GAA: variants seen among roughly 807,000 people sequenced by gnomAD.
GAA encodes alpha glucosidase.
A neutral mutation model predicts 103.9 loss-of-function variants in GAA; 88 were observed. The observed-to-expected ratio is 0.85, with a 90% CI of 0.71 to 1.01. The LOEUF (loss-of-function observed/expected upper bound fraction) is 1.01. GAA is among the 50% of genes least tolerant of loss of function. GAA has a pLI of 0.00. For synonymous variants in GAA, 572 were observed against 563.1 expected, an observed-to-expected ratio of 1.02 and a Z score of -0.22; for missense variants, 1,350 against 1,305.3, an observed-to-expected ratio of 1.03 and a Z score of -0.53.
In GAA at chr17:80,113,311, CTG is replaced by C. The variant is rs1555601780; in HGVS notation, c.2136_2137del (p.Phe713ProfsTer23). On this transcript the variant is annotated frameshift_variant, in exon 15 of 20. Coordinates refer to ENST00000302262, the MANE Select transcript of GAA (RefSeq NM_000152.5). LOFTEE classifies it high-confidence loss of function. ...RYALLPHLYT[L>X]FHQAHVAGET... ...CGCACTCCTCCCCCACCTCTACACA[CTG>C]TTCCACCAGGCCCACGTCGCGGGGG... 1 of 1,599,384 alleles carries C rather than the reference CTG, an allele frequency of 6.3e-7. No individual in the cohort carries two copies. The highest frequency in any genetic ancestry group is 1.7e-5 in the Admixed American group (1 of 58,368).
rs376939861 is a variant in GAA at position 80,104,569 on chromosome 17, T to A, written c.-18T>A. 94 of 1,605,910 alleles carry A rather than the reference T, an allele frequency of 5.9e-5. No homozygotes were observed. The highest frequency in any genetic ancestry group is 8.0e-5 in the African/African-American group (6 of 74,838). Reference sequence around the variant, plus strand: ...TTCTCCCGCAGGCCTGTAGGAGCTGTCCAGGCCATCTCCAACCATGGGAGT... The same window carrying A: ...TTCTCCCGCAGGCCTGTAGGAGCTGACCAGGCCATCTCCAACCATGGGAGT... On this transcript the variant is annotated 5_prime_UTR_variant, in exon 2 of 20. Transcript: ENST00000302262. The surrounding 1 kb of genome is among the most constrained non-coding windows in gnomAD (Gnocchi z 4.0).
rs1567835775 is a variant in GAA, at chr17:80,112,936, TG to T, written c.1952del (p.Gly651AlafsTer45). 6.2e-7 allele frequency: 1 copy of T among 1,610,770 alleles called. No individual in the cohort carries two copies. The highest frequency in any genetic ancestry group is 8.5e-7 in the Non-Finnish European group (1 of 1,179,044). ...GTCGGGGCCGACGTCTGCGGCTTCCTGGGCAACACCTCAGAGGAGCTGTGTG... is the reference window on the plus strand; with the variant it reads ...GTCGGGGCCGACGTCTGCGGCTTCCTGGCAACACCTCAGAGGAGCTGTGTG... ...PLVGADVCGFLGNTSEELCVR... is the reference protein window; with the variant it reads ...PLVGADVCGFXGNTSEELCVR... On this transcript the variant is annotated frameshift_variant, in exon 14 of 20. Coordinates refer to ENST00000302262, the MANE Select transcript of GAA (RefSeq NM_000152.5). LOFTEE classifies it high-confidence loss of function.
In GAA at chr17:80,112,899, G is replaced by T. The variant is rs757617999; in HGVS notation, c.1912G>T (p.Gly638Trp). 8.1e-6 allele frequency: 13 copies of T among 1,610,266 alleles called. No homozygotes were observed. Among genetic ancestry groups the T allele is most frequent in the African/African-American group, 1.3e-5 (1 of 74,902 alleles). Residue 638 changes from glycine (G) to tryptophan (W), a missense_variant, in exon 14 of 20, where the codon GGG becomes TGG. Gly to Trp is a radical substitution (Grantham distance 184). Transcript: ENST00000302262. ...VPEILQFNLLGVPLVGADVCG... is the reference protein window; with the variant it reads ...VPEILQFNLLWVPLVGADVCG... Reference sequence around the variant, plus strand: ...AGAAATCCTGCAGTTTAACCTGCTGGGGGTGCCTCTGGTCGGGGCCGACGT... The same window carrying T: ...AGAAATCCTGCAGTTTAACCTGCTGTGGGTGCCTCTGGTCGGGGCCGACGT...
chr17:80,116,417 G>A (rs879290084), intron 15 of GAA, among the ~76,000 whole-genome samples: 6 of 152,228 alleles, frequency 3.9e-5, no homozygotes, highest in Non-Finnish European at 7.3e-5. Flanking sequence ...GCTGAGCACT[G>A]GATGCCCCCT....
chr17:80,114,396 G>T (rs1168367666), intron 15 of GAA, among the ~76,000 whole-genome samples: 3 of 150,262 alleles, frequency 2.0e-5, no homozygotes, highest in African/African-American at 7.3e-5. Context: ...CTATTTTAAT[G>T]ACCTTGTTGT....
chr17:80,110,097 C>A (rs1395944903), intron 9 of GAA, 42 bp downstream of exon 9: 4 of 1,520,070 alleles, frequency 2.6e-6, no homozygotes, highest in Non-Finnish European at 3.6e-6. Context: ...AAAGCAGAGG[C>A]CTCCAGCCAG....
intron 8 of GAA, 149 bp downstream of exon 8, chr17:80,108,977 T>A (rs1291091785): frequency 1.9e-5 from 21 of 1,125,296 alleles, no homozygotes; most frequent in Non-Finnish European, 2.6e-5. Context: ...TCAAGAAGTT[T>A]GCAGGCTTGG....
In GAA at chr17:80,108,619, T is replaced by A. The variant is rs902114557; in HGVS notation, c.1194+12T>A. The A allele has an allele frequency of 1.9e-6, 3 of 1,612,096 alleles. No homozygotes were observed. The African/African-American group carries it at 4.0e-5, about 22-fold the overall frequency. On this transcript the variant is annotated intron_variant, in intron 7 of 19. Transcript: ENST00000302262. ...CCCACTTCCCCCTGGTGAGTTGGGGTGGTGGCAGGGGAGGCAAGGGGCTGG... is the reference window on the plus strand; with the variant it reads ...CCCACTTCCCCCTGGTGAGTTGGGGAGGTGGCAGGGGAGGCAAGGGGCTGG...
intron 5 of GAA, 50 bp from the exon 6 acceptor site, chr17:80,108,240 C>T (rs2039140591): frequency 1.2e-6 from 2 of 1,612,922 alleles, no homozygotes; most frequent in Admixed American, 1.7e-5. Flanking sequence ...GGTGCAGAGC[C>T]CTCCAAGTGA....
intron 3 of GAA, among the ~76,000 whole-genome samples, chr17:80,106,940 T>G (rs890911661): frequency 1.3e-5 from 2 of 152,136 alleles, no homozygotes; most frequent in African/African-American, 4.8e-5. Flanking sequence ...AACAGGCATC[T>G]TATCAGATCT....
Position 80,107,912 on chromosome 17 carries a change from C to T in GAA, c.955+16C>T. The stretch of plus-strand genomic sequence containing the variant: ...AATGCCATGGGTAAGCTGCCCGCCG[C>T]CCAGCGCCCGGGCCGGGGTCTCCTC... On this transcript the variant is annotated intron_variant, in intron 5 of 19. Coordinates refer to ENST00000302262, the MANE Select transcript of GAA (RefSeq NM_000152.5). 1 of 1,585,924 alleles carries T rather than the reference C, an allele frequency of 6.3e-7. No homozygotes were observed. Among genetic ancestry groups the T allele is most frequent in the Non-Finnish European group, 8.6e-7 (1 of 1,168,060 alleles).
chr17:80,112,370 T>TGG (rs71163924), intron 12 of GAA: 4 of 669,074 alleles, frequency 6.0e-6, no homozygotes, highest in Non-Finnish European at 1.0e-5. Flanking sequence ...CCTGTGAGGC[T>TGG]GGGGGGGGTC....
Position 80,104,975 on chromosome 17 carries a change from C to G in GAA, c.389C>G (p.Pro130Arg). ...ATGGGGCAGCCCTGGTGCTTCTTCC[C>G]ACCCAGCTACCCCAGCTACAAGCTG... ...AQMGQPWCFF[P>R]PSYPSYKLEN... Residue 130 changes from proline to arginine, a missense_variant, in exon 2 of 20, where the codon CCA (proline) becomes CGA (arginine). Pro to Arg is a moderately radical substitution (Grantham distance 103). Coordinates refer to ENST00000302262, the MANE Select transcript of GAA (RefSeq NM_000152.5). This position sits in a 1 kb window ranked among gnomAD's most constrained non-coding sequence, Gnocchi z 4.0. The G allele has an allele frequency of 6.2e-7, 1 of 1,612,736 alleles. No homozygotes were observed. Among genetic ancestry groups the G allele is most frequent in the South Asian group, 1.1e-5 (1 of 91,068 alleles).
At position 80,108,363 on chromosome 17, in the gene GAA, G is replaced by A; in HGVS notation, c.1029G>A (p.Leu343=). The change falls in exon 6 of 20, where the codon CTG becomes CTA. Residue 343 remains leucine (L), a synonymous_variant. Coordinates refer to ENST00000302262, the MANE Select transcript of GAA (RefSeq NM_000152.5). ...GGATCCTGGATGTCTACATCTTCCT[G>A]GGCCCAGAGCCCAAGAGCGTGGTGC... is the stretch of plus-strand genomic sequence containing the variant. The part of the protein sequence containing the change: ...TGGILDVYIF[L]GPEPKSVVQQ... 1 of 1,613,596 alleles carries A rather than the reference G, an allele frequency of 6.2e-7. No homozygotes were observed. The highest frequency in any genetic ancestry group is 8.5e-7 in the Non-Finnish European group (1 of 1,180,018).
At position 80,108,535 on chromosome 17, in the gene GAA, C is replaced by T. The variant is rs1342501706; in HGVS notation, c.1122C>T (p.Cys374=). 1 of 1,612,976 alleles carries T rather than the reference C, an allele frequency of 6.2e-7. No homozygotes were observed. The highest frequency in any genetic ancestry group is 1.3e-5 in the African/African-American group (1 of 75,046). The change falls in exon 7 of 20, where the codon TGC becomes TGT. Residue 374 remains cysteine (C), a synonymous_variant. Transcript: ENST00000302262. ...PPYWGLGFHL[C]RWGYSSTAIT... The stretch of plus-strand genomic sequence containing the variant: ...ACTGGGGCCTGGGCTTCCACCTGTG[C>T]CGCTGGGGCTACTCCTCCACCGCTA...
At chr17:80,110,514 G>A (rs1282949499) in intron 9 of GAA, among the ~76,000 whole-genome samples, 1 of 152,360 alleles carries the variant, frequency 6.6e-6, no homozygotes, top group Admixed American at 6.5e-5. Context: ...GTGACCCCTC[G>A]TTTTCCCAGG....
chr17:80,106,621 C>T (rs1180682156), intron 3 of GAA, among the ~76,000 whole-genome samples: 2 of 152,154 alleles, frequency 1.3e-5, no homozygotes, highest in Non-Finnish European at 2.9e-5. Context: ...AGAAGTTTCT[C>T]AAAGCATCTT....
chr17:80,116,879 G>C (rs1158289343), intron 15 of GAA, 89 bp from the exon 16 acceptor site: 1 of 1,473,300 alleles, frequency 6.8e-7, no homozygotes, highest in Admixed American at 1.7e-5. Flanking sequence ...GCAGAATTCA[G>C]CCTCTTCCTG....
intron 13 of GAA, 35 bp downstream of exon 13, chr17:80,112,746 T>A: frequency 6.3e-7 from 1 of 1,592,080 alleles, no homozygotes; most frequent in African/African-American, 1.3e-5. Context: ...CTCAGCAGAG[T>A]AGAGCCGGGG....
Sources: allele counts gnomAD v4.1 joint callset (sites outside exome capture counted in the v4.1 genomes callset), GRCh38; gene constraint gnomAD v4.1.1; non-coding constraint Gnocchi (gnomAD v3.1); transcripts MANE v1.5; gene names NCBI Gene and HGNC (gene_info 2026-07-23, HGNC 2026-07-21).